ASIC2: variants seen among roughly 807,000 people sequenced by gnomAD.
ASIC2 encodes acid sensing ion channel subunit 2, also known as acid-sensing ion channel 2.
ASIC2 carries 25 observed loss-of-function variants against 57.3 expected under a neutral mutation model. That is an observed-to-expected ratio of 0.44 (90% CI 0.32 to 0.61). ASIC2 has a LOEUF of 0.61. Among genes scored for constraint, ASIC2 ranks in the 20% least tolerant of loss-of-function variants. ASIC2 has a pLI of 0.06. For missense variants in ASIC2, 641 were observed against 738.1 expected (o/e 0.87, Z 1.52); for synonymous variants, 319 against 307.5 (o/e 1.04, Z -0.39).
intron 1 of ASIC2, among the ~76,000 whole-genome samples, chr17:33,988,921 G>A (rs575549481): frequency 6.6e-6 from 1 of 152,056 alleles, no homozygotes; most frequent in African/African-American, 2.4e-5. Flanking sequence ...TCTGAGTCAG[G>A]CTGAGCCAAA....
At chr17:33,591,442 G>A (rs1438410147) in intron 1 of ASIC2, among the ~76,000 whole-genome samples, 1 of 138,508 alleles carries the variant, frequency 7.2e-6, no homozygotes, top group Non-Finnish European at 1.6e-5. Flanking sequence ...CTGAGCCAAG[G>A]CTTGGCTTCT....
At chr17:33,590,184 A>T (rs1333503860) in intron 1 of ASIC2, among the ~76,000 whole-genome samples, 3 of 151,954 alleles carry the variant, frequency 2.0e-5, no homozygotes, top group Non-Finnish European at 2.9e-5. Flanking sequence ...ATCCTTCCCT[A>T]CTTCCACCCC....
intron 1 of ASIC2, among the ~76,000 whole-genome samples, chr17:33,138,025 C>G (rs1875581005): frequency 6.6e-6 from 1 of 152,112 alleles, no homozygotes; most frequent in Non-Finnish European, 1.5e-5. Context: ...CTTGATGTAC[C>G]TTATGGAATA....
At chr17:33,357,432 A>G (rs939662206) in intron 1 of ASIC2, among the ~76,000 whole-genome samples, 16 of 152,328 alleles carry the variant, frequency 1.1e-4, no homozygotes, top group African/African-American at 3.6e-4. Context: ...AATTTGCTCC[A>G]GTAGATCTTA....
chr17:33,889,750 C>A (rs1008264420), intron 1 of ASIC2, among the ~76,000 whole-genome samples: 1 of 152,128 alleles, frequency 6.6e-6, no homozygotes, highest in Non-Finnish European at 1.5e-5. Flanking sequence ...AGTGCAGATG[C>A]AAAGAGGCGG....
chr17:33,833,246 A>G (rs1481454559), intron 1 of ASIC2, among the ~76,000 whole-genome samples: 1 of 152,200 alleles, frequency 6.6e-6, no homozygotes, highest in East Asian at 1.9e-4. Flanking sequence ...CCCAAGGGCC[A>G]ATGTTATGTC....
At chr17:33,291,275 T>C in intron 1 of ASIC2, 133 bp downstream of exon 1, 1 of 1,424,220 alleles carries the variant, frequency 7.0e-7, no homozygotes, top group African/African-American at 1.4e-5. Flanking sequence ...CAAGAATGGG[T>C]TCTGCCTTGG....
At chr17:33,042,512 A>T (rs1031139648) in intron 3 of ASIC2, among the ~76,000 whole-genome samples, 2 of 152,224 alleles carry the variant, frequency 1.3e-5, no homozygotes, top group African/African-American at 4.8e-5. Context: ...TTGAACCTTT[A>T]CTATGTGCCA....
intron 1 of ASIC2, among the ~76,000 whole-genome samples, chr17:33,888,664 C>T (rs1400640240): frequency 1.3e-5 from 2 of 152,214 alleles, no homozygotes; most frequent in South Asian, 2.1e-4. Flanking sequence ...CATCTGCCCA[C>T]CAGCCTCTTA....
chr17:33,126,014 CA>C (rs2092321841), intron 1 of ASIC2, among the ~76,000 whole-genome samples: 1 of 152,166 alleles, frequency 6.6e-6, no homozygotes, highest in Non-Finnish European at 1.5e-5. Context: ...CGTCTTAGTC[CA>C]GCTCCTGCTC....
intron 1 of ASIC2, among the ~76,000 whole-genome samples, chr17:34,152,888 C>T (rs1292712379): frequency 6.6e-6 from 1 of 152,092 alleles, no homozygotes; most frequent in Non-Finnish European, 1.5e-5. Context: ...CCTAAGTAGA[C>T]AATCTGGAAT....
intron 1 of ASIC2, among the ~76,000 whole-genome samples, chr17:33,302,710 G>A (rs1030132368): frequency 1.8e-4 from 27 of 152,250 alleles, no homozygotes; most frequent in Admixed American, 1.4e-3. Flanking sequence ...GAGCAGAAAG[G>A]AAGAGTTAAT....
intron 1 of ASIC2, among the ~76,000 whole-genome samples, chr17:33,611,183 C>T (rs868513212): frequency 1.3e-5 from 2 of 152,270 alleles, no homozygotes; most frequent in Middle Eastern, 3.4e-3. Flanking sequence ...CTTCCCTTTC[C>T]CCCTCTCCTG....
chr17:33,409,736 G>A (rs1910591635), intron 1 of ASIC2, among the ~76,000 whole-genome samples: 2 of 152,168 alleles, frequency 1.3e-5, no homozygotes, highest in South Asian at 2.1e-4. Flanking sequence ...TATGTGTGGG[G>A]GAGGGGTATG....
At chr17:33,186,002 A>G (rs1257273552) in intron 1 of ASIC2, among the ~76,000 whole-genome samples, 1 of 152,246 alleles carries the variant, frequency 6.6e-6, no homozygotes, top group East Asian at 1.9e-4. Flanking sequence ...AGGGACAGAG[A>G]GTAAATATCT....
intron 3 of ASIC2, among the ~76,000 whole-genome samples, chr17:33,088,211 C>T (rs907915113): frequency 6.6e-5 from 10 of 152,194 alleles, no homozygotes; most frequent in African/African-American, 1.9e-4. Context: ...AAACGGAGTC[C>T]GTGTCTCTCC....
intron 1 of ASIC2, among the ~76,000 whole-genome samples, chr17:33,895,319 C>T (rs575000006): frequency 1.3e-5 from 2 of 152,202 alleles, no homozygotes; most frequent in African/African-American, 4.8e-5. Flanking sequence ...TGCACCACCA[C>T]ACCCAGCTAA....
At chr17:33,149,199 T>C (rs1904685454) in intron 1 of ASIC2, among the ~76,000 whole-genome samples, 1 of 152,154 alleles carries the variant, frequency 6.6e-6, no homozygotes, top group African/African-American at 2.4e-5. Flanking sequence ...AAATGGGAAA[T>C]ATAGAAACAT....
chr17:33,605,961 G>A (rs939675072), intron 1 of ASIC2, among the ~76,000 whole-genome samples: 1 of 152,212 alleles, frequency 6.6e-6, no homozygotes, highest in Admixed American at 6.5e-5. Flanking sequence ...CACAGGCACA[G>A]GAGATATTAC....
Sources: allele counts gnomAD v4.1 joint callset (sites outside exome capture counted in the v4.1 genomes callset), GRCh38; gene constraint gnomAD v4.1.1; transcripts MANE v1.5; gene names NCBI Gene and HGNC (gene_info 2026-07-23, HGNC 2026-07-21).